The following ANXA11 variants were observed in gnomAD, a reference collection of about 807,000 sequenced individuals.
The protein encoded by ANXA11 is 56 kDa autoantigen.
Under a neutral mutation model 64.7 loss-of-function variants are expected in ANXA11, and 57 were observed. The ratio of observed to expected loss-of-function variants is 0.88; its 90% confidence interval spans 0.71 to 1.10. The LOEUF (loss-of-function observed/expected upper bound fraction) is 1.10, where lower values mean the gene tolerates loss of function less well. Ranked by LOEUF, ANXA11 falls within the 50% of genes least tolerant of loss-of-function variation. ANXA11 has a pLI of 0.00. For missense variants in ANXA11, 675 were observed against 670.7 expected, an observed-to-expected ratio of 1.01 and a Z score of -0.07; for synonymous variants, 260 against 265.2, an observed-to-expected ratio of 0.98 and a Z score of 0.19.
At chr10:80,159,058 C>T (rs762006613) in intron 13 of ANXA11, 42 bp downstream of exon 13, 25 of 1,467,676 alleles carry the variant, frequency 1.7e-5, no homozygotes, top group Middle Eastern at 2.0e-4. Flanking sequence ...TCACGATACA[C>T]GTTAGCCCCT....
intron 11 of ANXA11, among the ~76,000 whole-genome samples, chr10:80,162,801 C>G (rs1353316232): frequency 6.6e-6 from 1 of 152,178 alleles, no homozygotes; most frequent in Admixed American, 6.5e-5. Flanking sequence ...GAAGTAATGG[C>G]TCTGCCCTGC....
At chr10:80,200,014 T>G (rs1589456829) in intron 1 of ANXA11, among the ~76,000 whole-genome samples, 1 of 152,240 alleles carries the variant, frequency 6.6e-6, no homozygotes. Flanking sequence ...AGGAAGGAAA[T>G]GCGTAAATGA....
intron 1 of ANXA11, among the ~76,000 whole-genome samples, chr10:80,199,095 CTT>C (rs71482767): frequency 5.9e-4 from 79 of 133,450 alleles, no homozygotes; most frequent in Non-Finnish European, 6.6e-4. Flanking sequence ...TCAAGATAAA[CTT>C]TTTTTTTTTT....
intron 3 of ANXA11, among the ~76,000 whole-genome samples, chr10:80,172,322 G>C (rs1273323969): frequency 6.6e-6 from 1 of 152,126 alleles, no homozygotes; most frequent in African/African-American, 2.4e-5. Flanking sequence ...CTTGGCAAGG[G>C]GGATCTTGTT....
intron 6 of ANXA11, 96 bp from the exon 7 acceptor site, chr10:80,167,080 A>G (rs1291559018): frequency 7.8e-7 from 1 of 1,282,646 alleles, no homozygotes; most frequent in Non-Finnish European, 1.1e-6. Flanking sequence ...TGTTCTGGGC[A>G]TGCTAGCCAT....
At chr10:80,171,085 A>G (rs898967764) in intron 3 of ANXA11, 170 bp from the exon 4 acceptor site, 3 of 1,515,718 alleles carry the variant, frequency 2.0e-6, no homozygotes, top group South Asian at 1.2e-5. Context: ...GTCTCCCCCT[A>G]TCCCACTGGC....
chr10:80,161,256 C>T (rs1324294221), intron 12 of ANXA11, among the ~76,000 whole-genome samples: 4 of 152,204 alleles, frequency 2.6e-5, no homozygotes, highest in African/African-American at 7.2e-5. Context: ...TGTTCTCAGT[C>T]GTGCTGGGAG....
At chr10:80,177,148 C>G (rs1846200658) in intron 1 of ANXA11, among the ~76,000 whole-genome samples, 2 of 152,068 alleles carry the variant, frequency 1.3e-5, no homozygotes, top group African/African-American at 4.8e-5. Context: ...GCCACCACAC[C>G]AGGCTGATTT....
chr10:80,167,560 C>G (rs565648786), intron 5 of ANXA11, among the ~76,000 whole-genome samples: 9 of 152,172 alleles, frequency 5.9e-5, no homozygotes, highest in Non-Finnish European at 1.3e-4. Context: ...ATAGCTGAGT[C>G]CTGATGCTGA....
chr10:80,191,738 G>A (rs1413286774), intron 1 of ANXA11, among the ~76,000 whole-genome samples: 1 of 152,208 alleles, frequency 6.6e-6, no homozygotes, highest in Non-Finnish European at 1.5e-5. Flanking sequence ...GCTTCCGTGT[G>A]GCCAGGCTAC....
At chr10:80,157,915 G>T in intron 14 of ANXA11, 52 bp downstream of exon 14, 1 of 1,605,210 alleles carries the variant, frequency 6.2e-7, no homozygotes, top group South Asian at 1.1e-5. Context: ...CTTGGTCCCA[G>T]GCACAGGCGA....
intron 1 of ANXA11, among the ~76,000 whole-genome samples, chr10:80,182,437 T>C (rs1428691526): frequency 6.6e-6 from 1 of 152,136 alleles, no homozygotes; most frequent in African/African-American, 2.4e-5. Flanking sequence ...AACGTACAGT[T>C]TAAAACACAC....
chr10:80,157,245 A>G (rs1845310169), intron 15 of ANXA11: 1 of 985,330 alleles, frequency 1.0e-6, no homozygotes, highest in Non-Finnish European at 1.2e-6. Context: ...CGGCCTTACT[A>G]TGTGGCCTAC....
chr10:80,158,083 G>C, intron 13 of ANXA11, 58 bp from the exon 14 acceptor site: 1 of 1,538,614 alleles, frequency 6.5e-7, no homozygotes, highest in African/African-American at 1.4e-5. Flanking sequence ...CCCAAGCAGG[G>C]CATGGAGTCT....
intron 1 of ANXA11, among the ~76,000 whole-genome samples, chr10:80,192,729 G>A (rs763707613): frequency 1.4e-4 from 22 of 152,280 alleles, no homozygotes; most frequent in Non-Finnish European, 2.6e-4. Flanking sequence ...ACAGAATAAT[G>A]TGTTCAGTGT....
In ANXA11 at chr10:80,163,602, T is replaced by A. The variant is rs780831126; in HGVS notation, c.961A>T (p.Thr321Ser). The A allele has an allele frequency of 6.4e-7, 1 of 1,554,260 alleles. No individual in the cohort carries two copies. Among genetic ancestry groups the A allele is most frequent in the South Asian group, 1.2e-5 (1 of 84,386 alleles). The change falls in exon 10 of 16, where the codon ACC becomes TCC. Residue 321 changes from threonine to serine, a missense_variant. Transcript: ENST00000422982. ...TCGCTTCGAATGGCCTCTTCCAGGGTCTTTTTGAATTCTGAAAGGGAGAAG... is the reference window on the plus strand; with the variant it reads ...TCGCTTCGAATGGCCTCTTCCAGGGACTTTTTGAATTCTGAAAGGGAGAAG... Reference protein sequence around the residue: ...NRAYKAEFKKTLEEAIRSDTS... With the variant: ...NRAYKAEFKKSLEEAIRSDTS...
At chr10:80,190,211 G>A (rs772869936) in intron 1 of ANXA11, among the ~76,000 whole-genome samples, 7 of 152,182 alleles carry the variant, frequency 4.6e-5, no homozygotes, top group Non-Finnish European at 8.8e-5. Flanking sequence ...ACAACGAAGT[G>A]AATGTATTTA....
At chr10:80,176,179 T>G (rs940805179) in intron 1 of ANXA11, 24 bp from the exon 2 acceptor site, 1 of 152,264 alleles carries the variant, frequency 6.6e-6, no homozygotes, top group African/African-American at 2.4e-5. Context: ...CATACAGACA[T>G]GAATTTTACT....
At chr10:80,196,299 GA>G (rs1840162884) in intron 1 of ANXA11, among the ~76,000 whole-genome samples, 1 of 152,268 alleles carries the variant, frequency 6.6e-6, no homozygotes, top group Admixed American at 6.5e-5. Flanking sequence ...CTCCCCATGA[GA>G]GCATCAGTGC....
Sources: gnomAD v4.1 joint callset for allele counts (sites outside exome capture counted in the v4.1 genomes callset) on GRCh38, gnomAD v4.1.1 for gene constraint, MANE v1.5 for transcripts, NCBI Gene and HGNC (gene_info 2026-07-23, HGNC 2026-07-21) for gene names.